TMEM72: variants seen among roughly 807,000 people sequenced by gnomAD.
TMEM72 encodes the protein kidney-specific secretory protein of 37 kDa.
Under a neutral mutation model 16.3 loss-of-function variants are expected in TMEM72, and 9 were observed. The observed-to-expected ratio is 0.55, with a 90% confidence interval of 0.33 to 0.96. The LOEUF (loss-of-function observed/expected upper bound fraction) is 0.96. Among genes scored for constraint, TMEM72 ranks in the 40% least tolerant of loss-of-function variants. The pLI is 0.03. For synonymous variants in TMEM72, 160 were observed against 146.5 expected (o/e 1.09, Z -0.66); for missense variants, 324 against 337.8 (o/e 0.96, Z 0.32).
chr10:44,930,120 A>T (rs1446370155), intron 2 of TMEM72, among the ~76,000 whole-genome samples: 1 of 151,856 alleles, frequency 6.6e-6, no homozygotes, highest in Admixed American at 6.6e-5. Flanking sequence ...CCCTATGCCC[A>T]TGTGGTCTCT....
chr10:44,932,164 G>A (rs1840309890), intron 3 of TMEM72, 95 bp downstream of exon 3: 5 of 1,411,238 alleles, frequency 3.5e-6, no homozygotes, highest in Non-Finnish European at 3.9e-6. Flanking sequence ...GGGATGTCCT[G>A]CTCCTGAAGC....
At position 44,927,790 on chromosome 10, in the gene TMEM72, T is replaced by C. The variant is rs111433190; in HGVS notation, c.71-131T>C. 344 of 834,020 alleles carry C rather than the reference T, an allele frequency of 4.1e-4. No individual in the cohort carries two copies. In the African/African-American group the frequency reaches 5.5e-3, roughly 13 times the overall value. 51.7% of individuals were successfully genotyped at this position (834,020 alleles called of 1,614,324 possible). On this transcript the variant is annotated intron_variant, in intron 1 of 4. Transcript: ENST00000389583. The stretch of plus-strand genomic sequence containing the variant: ...TTGCTAGTCACAGCTGCCTGTATCA[T>C]GAAGAGAAGAACCTACCTTGGCTGT...
At chr10:44,927,877 T>C (rs756043782) in intron 1 of TMEM72, 44 bp from the exon 2 acceptor site, 48 of 1,585,620 alleles carry the variant, frequency 3.0e-5, no homozygotes, top group Non-Finnish European at 3.9e-5. Flanking sequence ...AGTGCTGTGG[T>C]GTAGAGCACC....
intron 1 of TMEM72, among the ~76,000 whole-genome samples, chr10:44,924,386 GC>G (rs1056213368): frequency 6.6e-6 from 1 of 152,182 alleles, no homozygotes; most frequent in African/African-American, 2.4e-5. Context: ...TTGGGTTACT[GC>G]CCTCGCTGAA....
chr10:44,931,967 G>A (rs1170859577), intron 2 of TMEM72, 31 bp from the exon 3 acceptor site: 13 of 1,598,998 alleles, frequency 8.1e-6, no homozygotes, highest in East Asian at 4.5e-5. Context: ...AGACAGAGGC[G>A]CCAGCCTCCC....
chr10:44,929,131 A>G (rs1057379929), intron 2 of TMEM72, among the ~76,000 whole-genome samples: 2 of 152,138 alleles, frequency 1.3e-5, no homozygotes, highest in African/African-American at 4.8e-5. Context: ...CAGGATCCAG[A>G]TTCAAACCCA....
chr10:44,927,211 G>C (rs975324395), intron 1 of TMEM72, among the ~76,000 whole-genome samples: 1 of 152,212 alleles, frequency 6.6e-6, no homozygotes, highest in Admixed American at 6.5e-5. Context: ...GGACTCCAAA[G>C]GTCCGTGCTG....
chr10:44,935,424 G>A lies in TMEM72; in HGVS notation c.*290G>A, dbSNP rs1204430535. The A allele has an allele frequency of 4.7e-5, 17 of 360,954 alleles. No individual in the cohort carries two copies. The highest frequency in any genetic ancestry group is 2.2e-4 in the Admixed American group (5 of 22,840). The allele number at this position is 360,954 out of a possible 1,614,324, so 22.4% of individuals were successfully genotyped here. ...CCAACAAGACCATCACTGCCACTGC[G>A]CACGAGGCTGCAGGTGCCATTGACT... On this transcript the variant is annotated 3_prime_UTR_variant, in exon 5 of 5. Transcript: ENST00000389583.
rs772574441 is a variant in TMEM72 at position 44,911,479 on chromosome 10, G to T, written c.-34G>T. On this transcript the variant is annotated 5_prime_UTR_variant, in exon 1 of 5. Transcript: ENST00000389583. The stretch of plus-strand genomic sequence containing the variant: ...CTCAGGGCCGAAGACTTTGCTGCCT[G>T]CCCTGCCAGGACTTTGTCCTCACCC... The T allele has an allele frequency of 4.7e-5, 73 of 1,547,366 alleles. No individual in the cohort carries two copies. In the Admixed American group the frequency reaches 1.3e-3, roughly 28 times the overall value.
chr10:44,935,178 A>G lies in TMEM72; in HGVS notation c.*44A>G. 1 of 1,507,610 alleles carries G rather than the reference A, an allele frequency of 6.6e-7. No individual in the cohort carries two copies. The highest frequency in any genetic ancestry group is 8.9e-7 in the Non-Finnish European group (1 of 1,124,794). The allele number at this position is 1,507,610 out of a possible 1,614,324, so 93.4% of individuals were successfully genotyped here. Reference sequence around the variant, plus strand: ...AGGACGCTCAGTGAGGGGTCTACCTAGCTCAATGGCCCTCCCTGGAGTTTC... The same window carrying G: ...AGGACGCTCAGTGAGGGGTCTACCTGGCTCAATGGCCCTCCCTGGAGTTTC... On this transcript the variant is annotated 3_prime_UTR_variant, in exon 5 of 5. Transcript: ENST00000389583.
chr10:44,926,558 G>A lies in TMEM72; in HGVS notation c.71-1363G>A, dbSNP rs534682908. 2.9e-4 allele frequency among the ~76,000 whole-genome samples: 44 copies of A among 152,168 alleles called. 1 individual carries two copies. The highest frequency in any genetic ancestry group is 5.1e-4 in the Non-Finnish European group (35 of 68,032). Reference sequence around the variant, plus strand: ...TGGCCCACTAGCATCATCTGTCCTCGCCCCAGGTGAGCCAGCAGGGCAGCT... The same window carrying A: ...TGGCCCACTAGCATCATCTGTCCTCACCCCAGGTGAGCCAGCAGGGCAGCT... On this transcript the variant is annotated intron_variant, in intron 1 of 4. Transcript: ENST00000389583.
intron 2 of TMEM72, among the ~76,000 whole-genome samples, chr10:44,930,966 A>T (rs1298835548): frequency 6.6e-6 from 1 of 152,160 alleles, no homozygotes; most frequent in Admixed American, 6.5e-5. Context: ...ATCCACTTTC[A>T]TTCCTTCATT....
At chr10:44,934,529 G>T in intron 4 of TMEM72, 127 bp from the exon 5 acceptor site, 1 of 930,262 alleles carries the variant, frequency 1.1e-6, no homozygotes, top group Non-Finnish European at 1.6e-6. Context: ...AGAGGGCCAG[G>T]GCCACAGGGG....
intron 1 of TMEM72, chr10:44,920,196 A>G (rs1274205430): frequency 1.3e-5 from 2 of 152,394 alleles, no homozygotes; most frequent in Non-Finnish European, 1.5e-5. Context: ...TCCAATGCCC[A>G]GGGCATCCAG....
intron 1 of TMEM72, chr10:44,919,790 T>C (rs1459223948): frequency 6.6e-6 from 1 of 152,266 alleles, no homozygotes; most frequent in African/African-American, 2.4e-5. Context: ...CATGAAATCC[T>C]TCCCTTTTCC....
intron 2 of TMEM72, among the ~76,000 whole-genome samples, chr10:44,928,918 T>C (rs1198265922): frequency 6.6e-6 from 1 of 152,226 alleles, no homozygotes; most frequent in African/African-American, 2.4e-5. Flanking sequence ...TTAATTGAGC[T>C]CTTGTTTAGA....
intron 2 of TMEM72, among the ~76,000 whole-genome samples, chr10:44,929,741 G>T (rs1411235663): frequency 6.6e-6 from 1 of 152,258 alleles, no homozygotes; most frequent in African/African-American, 2.4e-5. Context: ...ACAGCAGGAG[G>T]CTTCTGACTC....
At chr10:44,931,817 A>G in intron 2 of TMEM72, 181 bp from the exon 3 acceptor site, 1 of 633,332 alleles carries the variant, frequency 1.6e-6, no homozygotes, top group Middle Eastern at 2.8e-4. Flanking sequence ...TCTCCCCAGC[A>G]TGGCCCAGTC....
intron 3 of TMEM72, among the ~76,000 whole-genome samples, chr10:44,932,965 C>G (rs1447992199): frequency 1.3e-5 from 2 of 152,174 alleles, no homozygotes; most frequent in Non-Finnish European, 2.9e-5. Flanking sequence ...TCCCTCAAAG[C>G]TAGAGGGGCA....
Sources: gnomAD v4.1 joint callset for allele counts (sites outside exome capture counted in the v4.1 genomes callset) on GRCh38, gnomAD v4.1.1 for gene constraint, MANE v1.5 for transcripts, NCBI Gene and HGNC (gene_info 2026-07-23, HGNC 2026-07-21) for gene names.